P2RY8: variants seen among roughly 807,000 people sequenced by gnomAD.
The protein encoded by P2RY8 is S-geranylgeranyl-glutathione receptor P2RY8.
A neutral mutation model predicts 10.0 loss-of-function variants in P2RY8; 6 were observed. That is an observed-to-expected ratio of 0.60 (90% confidence interval 0.33 to 1.19). The LOEUF (loss-of-function observed/expected upper bound fraction) is 1.19. Ranked by LOEUF, P2RY8 falls within the 50% of genes most tolerant of loss-of-function variation. P2RY8 has a pLI of 0.04. For synonymous variants in P2RY8, 276 were observed against 252.5 expected (o/e 1.09, Z -0.88); for missense variants, 456 against 542.0 (o/e 0.84, Z 1.58).
intron 1 of P2RY8, among the ~76,000 whole-genome samples, chrX:1,502,036 G>A (rs1332539509): frequency 6.6e-6 from 1 of 152,094 alleles, no homozygotes; most frequent in Admixed American, 6.5e-5. Context: ...TCGGCCTCTT[G>A]AATATCTGGA....
intron 1 of P2RY8, among the ~76,000 whole-genome samples, chrX:1,467,979 C>G (rs1359864133): frequency 6.6e-6 from 1 of 151,264 alleles, no homozygotes; most frequent in Admixed American, 6.6e-5. Context: ...CCGTGCCCAG[C>G]TAACATTTTT....
intron 1 of P2RY8, among the ~76,000 whole-genome samples, chrX:1,475,184 T>C (rs1313245673): frequency 1.3e-5 from 2 of 149,006 alleles, no homozygotes; most frequent in African/African-American, 2.5e-5. Flanking sequence ...GATGGGTTGA[T>C]GGGTAGATGG....
chrX:1,509,547 C>CCATCCATCCATT (rs1275266559), intron 1 of P2RY8, among the ~76,000 whole-genome samples: 1 of 125,730 alleles, frequency 8.0e-6, no homozygotes, highest in African/African-American at 3.6e-5. Flanking sequence ...ATCCATCCAT[C>CCATCCATCCATT]TATTCTATCA....
At chrX:1,468,053 C>A (rs1424906062) in intron 1 of P2RY8, among the ~76,000 whole-genome samples, 1 of 151,942 alleles carries the variant, frequency 6.6e-6, no homozygotes, top group Non-Finnish European at 1.5e-5. Flanking sequence ...TGGCCTCAAG[C>A]AATCCTCCTG....
chrX:1,507,315 T>TGG lies in P2RY8; in HGVS notation c.-25+29605_-25+29606insCC. 2.6e-5 allele frequency among the ~76,000 whole-genome samples: 4 copies of TGG among 152,196 alleles called. No homozygotes were observed. The South Asian group carries it at 8.3e-4, about 32-fold the overall frequency. On this transcript the variant is annotated intron_variant, in intron 1 of 1. Transcript: ENST00000381297. ...GTCCCCTAGATTTCACCGGACGAGATGAGACCTGACATTCCACATTGTCCT... is the reference window on the plus strand; with the variant it reads ...GTCCCCTAGATTTCACCGGACGAGATGGGAGACCTGACATTCCACATTGTCCT...
intron 1 of P2RY8, among the ~76,000 whole-genome samples, chrX:1,484,749 G>GAAAA (rs2091971981): frequency 1.5e-5 from 1 of 66,550 alleles, no homozygotes. Flanking sequence ...AAAAAAAAAA[G>GAAAA]AAGAAGAAGA....
At position 1,524,417 on chromosome X, in the gene P2RY8, C is replaced by G. The variant is rs867075721; in HGVS notation, c.-25+12504G>C. ...TCCCTCCATCCATGCATGCATCCATCCATCCATCCATCCATCCATCCATTC... is the reference window on the plus strand; with the variant it reads ...TCCCTCCATCCATGCATGCATCCATGCATCCATCCATCCATCCATCCATTC... On this transcript the variant is annotated intron_variant, in intron 1 of 1. Transcript: ENST00000381297. 7.7e-3 allele frequency among the ~76,000 whole-genome samples: 900 copies of G among 116,572 alleles called. 73 individuals carry two copies. Among genetic ancestry groups the G allele is most frequent in the African/African-American group, 0.023 (726 of 32,118 alleles). 76.5% of individuals were successfully genotyped at this position (116,572 alleles called of 152,430 possible).
At chrX:1,523,796 C>T (rs6644730) in intron 1 of P2RY8, among the ~76,000 whole-genome samples, 29,865 of 152,084 alleles carry the variant, frequency 0.2, 4,002 homozygotes, top group East Asian at 0.57. Context: ...GATTCTCCTG[C>T]CTCAGCCTCC....
At position 1,465,768 on chromosome X, in the gene P2RY8, C is replaced by A. The variant is rs2149369331; in HGVS notation, c.791G>T (p.Arg264Leu). 6.2e-7 allele frequency: 1 copy of A among 1,613,552 alleles called. No homozygotes were observed. Among genetic ancestry groups the A allele is most frequent in the Non-Finnish European group, 8.5e-7 (1 of 1,179,846 alleles). The change falls in exon 2 of 2, where the codon CGC (arginine) becomes CTC (leucine). Residue 264 changes from arginine (R) to leucine (L), a missense_variant. Coordinates refer to ENST00000381297, the MANE Select transcript of P2RY8 (RefSeq NM_178129.5). ...NFVLLAHIVS[R>L]LFYGKSYYHV... ...GTAGTAGCTCTTGCCGTAGAACAGG[C>A]GGCTCACGATGTGCGCCAGGAGCAC...
chrX:1,509,705 CATTT>C (rs1278605541), intron 1 of P2RY8, among the ~76,000 whole-genome samples: 1 of 128,976 alleles, frequency 7.8e-6, no homozygotes, highest in East Asian at 2.2e-4. Flanking sequence ...TCCATCCATC[CATTT>C]ATTCTATCTA....
intron 1 of P2RY8, among the ~76,000 whole-genome samples, chrX:1,521,655 T>G (rs1272398409): frequency 1.3e-5 from 2 of 152,218 alleles, no homozygotes; most frequent in Non-Finnish European, 2.9e-5. Context: ...GTCAGTCATT[T>G]GCATGAGTGC....
rs770497580 is a variant in P2RY8 at position 1,465,489 on chromosome X, C to T, written c.1070G>A (p.Ser357Asn). The part of the protein sequence containing the change: ...ATRPGLQRQE[S>N]VF ...CTGCGCCCCCGGGACTCAGAACACACTCTCCTGCCTCTGGAGGCCGGGCCT... is the reference window on the plus strand; with the variant it reads ...CTGCGCCCCCGGGACTCAGAACACATTCTCCTGCCTCTGGAGGCCGGGCCT... Residue 357 changes from serine to asparagine, a missense_variant, in exon 2 of 2, where the codon AGT (serine) becomes AAT (asparagine). Ser to Asn is a conservative substitution (Grantham distance 46). Coordinates refer to ENST00000381297, the MANE Select transcript of P2RY8 (RefSeq NM_178129.5). The T allele has an allele frequency of 2.5e-6, 4 of 1,605,452 alleles. No individual in the cohort carries two copies. The African/African-American group carries it at 4.0e-5, about 16-fold the overall frequency.
At chrX:1,518,209 T>C (rs2092364958) in intron 1 of P2RY8, among the ~76,000 whole-genome samples, 1 of 151,612 alleles carries the variant, frequency 6.6e-6, no homozygotes, top group Non-Finnish European at 1.5e-5. Context: ...GTGGATCACC[T>C]GAGGTCAGGA....
chrX:1,527,589 T>C (rs1182040832), intron 1 of P2RY8, among the ~76,000 whole-genome samples: 2 of 152,050 alleles, frequency 1.3e-5, no homozygotes, highest in African/African-American at 2.4e-5. Flanking sequence ...CACCTATCTA[T>C]CCATCTGTTC....
chrX:1,465,793 C>G lies in P2RY8; in HGVS notation c.766G>C (p.Val256Leu), dbSNP rs754025511. 2 of 1,613,436 alleles carry G rather than the reference C, an allele frequency of 1.2e-6. No homozygotes were observed. The highest frequency in any genetic ancestry group is 1.7e-6 in the Non-Finnish European group (2 of 1,179,834). ...CGGCTCACGATGTGCGCCAGGAGCA[C>G]GAAGTTGTTGGGGGCGAAGCAGGTG... ...FVTCFAPNNF[V>L]LLAHIVSRLF... Residue 256 changes from valine to leucine, a missense_variant, in exon 2 of 2, where the codon GTG becomes CTG. By Grantham distance (32) the Val-to-Leu change is conservative. Transcript: ENST00000381297.
chrX:1,495,654 A>G (rs1193719453), intron 1 of P2RY8, among the ~76,000 whole-genome samples: 1 of 143,570 alleles, frequency 7.0e-6, no homozygotes, highest in Non-Finnish European at 1.5e-5. Flanking sequence ...GACACCTCAT[A>G]AGAAGAGGAG....
At chrX:1,494,869 A>ATT (rs59572174) in intron 1 of P2RY8, among the ~76,000 whole-genome samples, 39,878 of 143,358 alleles carry the variant, frequency 0.28, 5,634 homozygotes, top group Middle Eastern at 0.42. Context: ...CACCTGGCTA[A>ATT]TTTTTTTTTT....
intron 1 of P2RY8, among the ~76,000 whole-genome samples, chrX:1,492,363 T>C (rs2092061869): frequency 6.6e-6 from 1 of 152,128 alleles, no homozygotes; most frequent in African/African-American, 2.4e-5. Context: ...GAGGTGTAAC[T>C]TGTGGGTGCC....
At chrX:1,501,907 T>A (rs1197423511) in intron 1 of P2RY8, among the ~76,000 whole-genome samples, 3 of 148,302 alleles carry the variant, frequency 2.0e-5, no homozygotes, top group African/African-American at 7.5e-5. Context: ...TTCATTTTTA[T>A]TGATTATTAT....
Sources: gnomAD v4.1 joint callset for allele counts (sites outside exome capture counted in the v4.1 genomes callset) on GRCh38, gnomAD v4.1.1 for gene constraint, MANE v1.5 for transcripts, NCBI Gene and HGNC (gene_info 2026-07-23, HGNC 2026-07-21) for gene names.